CDH12: variants seen among roughly 807,000 people sequenced by gnomAD.
CDH12 encodes cadherin-12.
Under a neutral mutation model 74.1 loss-of-function variants are expected in CDH12, and 41 were observed. The ratio of observed to expected loss-of-function variants is 0.55; its 90% CI spans 0.43 to 0.72. CDH12 has a LOEUF of 0.72. CDH12 is among the 30% of genes least tolerant of loss of function. The pLI, the probability that CDH12 is intolerant of heterozygous loss-of-function variation, is 0.00. For synonymous variants in CDH12, 399 were observed against 355.0 expected, an observed-to-expected ratio of 1.12 and a Z score of -1.39; for missense variants, 945 against 977.2, an observed-to-expected ratio of 0.97 and a Z score of 0.44.
chr5:22,718,835 C>A (rs1185542701), intron 1 of CDH12, among the ~76,000 whole-genome samples: 1 of 152,124 alleles, frequency 6.6e-6, no homozygotes, highest in Non-Finnish European at 1.5e-5. Context: ...GCATTGTGGC[C>A]AAAAGATGCT....
At chr5:22,075,306 T>C in intron 5 of CDH12, among the ~76,000 whole-genome samples, 1 of 112,002 alleles carries the variant, frequency 8.9e-6, no homozygotes, top group African/African-American at 3.5e-5. Flanking sequence ...CACTGGGGCC[T>C]GTTGTGGGGT....
At chr5:22,831,464 T>C (rs956064839) in intron 1 of CDH12, among the ~76,000 whole-genome samples, 1 of 151,732 alleles carries the variant, frequency 6.6e-6, no homozygotes, top group Non-Finnish European at 1.5e-5. Context: ...CTTTAAACTT[T>C]ATAGGAAGTA....
chr5:21,875,453 C>T (rs998174586), intron 6 of CDH12, among the ~76,000 whole-genome samples: 3 of 152,092 alleles, frequency 2.0e-5, no homozygotes, highest in African/African-American at 7.2e-5. Flanking sequence ...GGTAGAGTTC[C>T]CTACTTCCAG....
At chr5:22,692,536 T>C (rs1419343609) in intron 1 of CDH12, among the ~76,000 whole-genome samples, 17 of 152,014 alleles carry the variant, frequency 1.1e-4, no homozygotes, top group Admixed American at 1.1e-3. Context: ...GGAATGCAGA[T>C]CAAACATATG....
At chr5:22,233,406 G>T (rs901776653) in intron 3 of CDH12, among the ~76,000 whole-genome samples, 1 of 151,904 alleles carries the variant, frequency 6.6e-6, no homozygotes, top group Non-Finnish European at 1.5e-5. Flanking sequence ...ATGGCTAAAA[G>T]GAAATCTTGC....
chr5:22,525,743 G>A (rs1400489177), intron 1 of CDH12, among the ~76,000 whole-genome samples: 3 of 152,072 alleles, frequency 2.0e-5, no homozygotes, highest in African/African-American at 4.8e-5. Context: ...TGTGGGTACT[G>A]GGTAGGAAGG....
chr5:22,463,184 A>T (rs915927140), intron 2 of CDH12, among the ~76,000 whole-genome samples: 3 of 152,160 alleles, frequency 2.0e-5, no homozygotes, highest in Non-Finnish European at 4.4e-5. Context: ...ATTAACCAAC[A>T]CTGTCAACAA....
chr5:22,697,842 C>G (rs1158926143), intron 1 of CDH12, among the ~76,000 whole-genome samples: 2 of 151,952 alleles, frequency 1.3e-5, no homozygotes, highest in Non-Finnish European at 2.9e-5. Flanking sequence ...GAAAGAGATA[C>G]CTGAGAGCCC....
intron 2 of CDH12, among the ~76,000 whole-genome samples, chr5:22,440,331 T>A (rs1267897566): frequency 6.6e-6 from 1 of 152,136 alleles, no homozygotes; most frequent in Non-Finnish European, 1.5e-5. Context: ...ATGGTATATG[T>A]TTAATCCAGA....
At chr5:22,037,812 A>C in intron 5 of CDH12, among the ~76,000 whole-genome samples, 1 of 152,194 alleles carries the variant, frequency 6.6e-6, no homozygotes, top group Middle Eastern at 3.2e-3. Flanking sequence ...TCAAAAGAGT[A>C]ACAGGAACCC....
chr5:22,012,440 A>C (rs560859603), intron 5 of CDH12, among the ~76,000 whole-genome samples: 1 of 152,264 alleles, frequency 6.6e-6, no homozygotes, highest in Admixed American at 6.5e-5. Context: ...GAAAAAGTGC[A>C]TCATTGTCGC....
chr5:21,839,225 T>A (rs1749705745), intron 8 of CDH12, among the ~76,000 whole-genome samples: 2 of 152,188 alleles, frequency 1.3e-5, no homozygotes, highest in Non-Finnish European at 2.9e-5. Context: ...TATTTCTTTC[T>A]CCTTTTATAT....
intron 4 of CDH12, among the ~76,000 whole-genome samples, chr5:22,117,520 TATAATA>T (rs1745239812): frequency 1.1e-5 from 1 of 90,666 alleles, no homozygotes; most frequent in African/African-American, 4.7e-5. Context: ...ATAATATATA[TATAATA>T]TATATATATA....
intron 1 of CDH12, among the ~76,000 whole-genome samples, chr5:22,579,801 T>G (rs1739987343): frequency 6.6e-6 from 1 of 152,218 alleles, no homozygotes; most frequent in Admixed American, 6.5e-5. Context: ...TATGATCATT[T>G]GTTGCTGTCA....
At chr5:22,772,517 A>T (rs1746860054) in intron 1 of CDH12, among the ~76,000 whole-genome samples, 1 of 152,122 alleles carries the variant, frequency 6.6e-6, no homozygotes, top group Non-Finnish European at 1.5e-5. Flanking sequence ...ACCGAGGAAT[A>T]AAAGAATTAA....
At chr5:22,419,492 A>G (rs1743543228) in intron 2 of CDH12, among the ~76,000 whole-genome samples, 1 of 152,016 alleles carries the variant, frequency 6.6e-6, no homozygotes, top group African/African-American at 2.4e-5. Flanking sequence ...TCTTGTTCCT[A>G]TGGCTGCATA....
At chr5:21,967,401 C>T (rs1289380465) in intron 6 of CDH12, among the ~76,000 whole-genome samples, 2 of 152,186 alleles carry the variant, frequency 1.3e-5, no homozygotes, top group East Asian at 3.9e-4. Flanking sequence ...CAGTAGCTGG[C>T]AAAGCAGTTT....
At chr5:22,122,734 C>T (rs1387748887) in intron 4 of CDH12, among the ~76,000 whole-genome samples, 1 of 152,174 alleles carries the variant, frequency 6.6e-6, no homozygotes, top group Non-Finnish European at 1.5e-5. Context: ...ATGTGAGTGG[C>T]CATCGTTTAA....
intron 5 of CDH12, among the ~76,000 whole-genome samples, chr5:21,983,079 CTT>C (rs1757379350): frequency 6.6e-6 from 1 of 151,970 alleles, no homozygotes; most frequent in African/African-American, 2.4e-5. Flanking sequence ...TTTGGAAACA[CTT>C]TTTCTTGGAT....
Sources: allele counts gnomAD v4.1 joint callset (sites outside exome capture counted in the v4.1 genomes callset), GRCh38; gene constraint gnomAD v4.1.1; transcripts MANE v1.5; gene names NCBI Gene and HGNC (gene_info 2026-07-23, HGNC 2026-07-21).